PPFIBP2: variants seen among roughly 807,000 people sequenced by gnomAD.
The protein encoded by PPFIBP2 is PPFIB scaffold protein 2.
A neutral mutation model predicts 118.3 loss-of-function variants in PPFIBP2; 118 were observed. That is an observed-to-expected ratio of 1.00 (90% confidence interval 0.86 to 1.16). The LOEUF (loss-of-function observed/expected upper bound fraction) is 1.16, where lower values mean the gene tolerates loss of function less well. Ranked by LOEUF, PPFIBP2 falls within the 50% of genes most tolerant of loss-of-function variation. The pLI, the probability that PPFIBP2 is intolerant of heterozygous loss-of-function variation, is 0.00. For synonymous variants in PPFIBP2, 414 were observed against 397.4 expected, an observed-to-expected ratio of 1.04 and a Z score of -0.50; for missense variants, 1,195 against 1,073.1, an observed-to-expected ratio of 1.11 and a Z score of -1.59.
intron 14 of PPFIBP2, among the ~76,000 whole-genome samples, chr11:7,635,804 TTTA>T (rs1565099316): frequency 6.6e-6 from 1 of 152,218 alleles, no homozygotes; most frequent in African/African-American, 2.4e-5. Flanking sequence ...TGGGACAGGA[TTTA>T]TTATTATCAC....
chr11:7,541,368 C>T (rs1245053561), intron 1 of PPFIBP2, among the ~76,000 whole-genome samples: 1 of 152,146 alleles, frequency 6.6e-6, no homozygotes, highest in Admixed American at 6.5e-5. Flanking sequence ...TGAGGTAATA[C>T]AGGGACAGGT....
chr11:7,546,144 G>A (rs1407679560), intron 1 of PPFIBP2, among the ~76,000 whole-genome samples: 1 of 152,082 alleles, frequency 6.6e-6, no homozygotes, highest in Non-Finnish European at 1.5e-5. Flanking sequence ...TCTTCCATTT[G>A]GCTGCTTCTG....
intron 4 of PPFIBP2, chr11:7,597,197 G>A: frequency 6.7e-7 from 1 of 1,483,538 alleles, no homozygotes; most frequent in South Asian, 1.3e-5. Context: ...TTGCAGAAGT[G>A]CTGGCAAGCC....
chr11:7,617,368 C>T (rs1388203499), intron 6 of PPFIBP2: 5 of 930,066 alleles, frequency 5.4e-6, no homozygotes, highest in African/African-American at 1.8e-5. Context: ...TGGGGTTTCT[C>T]CTAACCAGAA....
intron 5 of PPFIBP2, chr11:7,605,722 T>G: frequency 7.4e-7 from 1 of 1,345,182 alleles, no homozygotes; most frequent in Non-Finnish European, 9.5e-7. Context: ...AGTTACTAAG[T>G]AACTAGTGGC....
At chr11:7,630,811 T>C (rs1456004720) in intron 10 of PPFIBP2, 114 bp from the exon 11 acceptor site, 1 of 780,554 alleles carries the variant, frequency 1.3e-6, no homozygotes, top group African/African-American at 1.7e-5. Context: ...TGTCCCTTTA[T>C]ATATTTCTTA....
At chr11:7,603,862 C>T (rs1846982311) in intron 5 of PPFIBP2, among the ~76,000 whole-genome samples, 1 of 152,184 alleles carries the variant, frequency 6.6e-6, no homozygotes, top group African/African-American at 2.4e-5. Context: ...CACCCTCCCC[C>T]AGACCACCTC....
intron 12 of PPFIBP2, 69 bp from the exon 13 acceptor site, chr11:7,634,426 T>C: frequency 8.0e-7 from 1 of 1,243,054 alleles, no homozygotes; most frequent in Non-Finnish European, 1.2e-6. Context: ...GCATTTGAAA[T>C]GTCCTCTGCA....
At chr11:7,665,900 GA>G in the PPFIBP2 span, 1 of 1,536,158 alleles carries the variant, frequency 6.5e-7, no homozygotes, top group South Asian at 1.2e-5. Flanking sequence ...GAACTGCGCA[GA>G]ATTGCTCAGT....
At chr11:7,519,493 G>A (rs1011413851) in intron 1 of PPFIBP2, among the ~76,000 whole-genome samples, 21 of 152,154 alleles carry the variant, frequency 1.4e-4, no homozygotes, top group East Asian at 1.9e-4. Flanking sequence ...CATTTGGACC[G>A]TTATCTAATT....
intron 1 of PPFIBP2, among the ~76,000 whole-genome samples, chr11:7,545,580 G>T (rs1370392238): frequency 6.6e-6 from 1 of 152,170 alleles, no homozygotes; most frequent in Non-Finnish European, 1.5e-5. Context: ...GAGGTCTGTA[G>T]ATACAGGAAA....
rs139084320 is a variant in PPFIBP2 at position 7,608,605 on chromosome 11, A to G, written c.487-1686A>G. The stretch of plus-strand genomic sequence containing the variant: ...TGGTGAGCCGAGATCGTGCCATTGC[A>G]CTCCAGCCTGGGCAAAAAGAGCGAA... On this transcript the variant is annotated intron_variant, in intron 5 of 23. Transcript: ENST00000299492. Among the ~76,000 whole-genome samples the G allele has an allele frequency of 6.1e-3, 926 of 152,290 alleles. 8 individuals are homozygous for G. Among genetic ancestry groups the G allele is most frequent in the Middle Eastern group, 0.034 (10 of 294 alleles).
At chr11:7,583,013 C>T (rs866709464) in intron 3 of PPFIBP2, among the ~76,000 whole-genome samples, 4 of 152,196 alleles carry the variant, frequency 2.6e-5, no homozygotes, top group Admixed American at 2.6e-4. Flanking sequence ...CTGTGCTTGT[C>T]TCTTCATGCT....
intron 3 of PPFIBP2, among the ~76,000 whole-genome samples, chr11:7,580,129 T>G (rs1360230740): frequency 6.6e-6 from 1 of 152,176 alleles, no homozygotes; most frequent in Non-Finnish European, 1.5e-5. Context: ...TCTACCCTGA[T>G]GAGCTCCCAA....
At chr11:7,556,166 T>C (rs1201587158) in intron 2 of PPFIBP2, among the ~76,000 whole-genome samples, 1 of 152,244 alleles carries the variant, frequency 6.6e-6, no homozygotes, top group East Asian at 1.9e-4. Flanking sequence ...TAAATTTCTT[T>C]ATAAGACGGC....
chr11:7,605,979 G>C, intron 5 of PPFIBP2: 1 of 1,535,590 alleles, frequency 6.5e-7, no homozygotes, highest in Non-Finnish European at 8.7e-7. Flanking sequence ...TAATAACAAG[G>C]ATGTGGAAGC....
intron 5 of PPFIBP2, among the ~76,000 whole-genome samples, chr11:7,599,578 A>G (rs1379393860): frequency 1.3e-5 from 2 of 151,776 alleles, no homozygotes; most frequent in Admixed American, 1.3e-4. Context: ...TCCTCTAAAC[A>G]TCATCCCATG....
rs2135875164 is a variant in PPFIBP2, at chr11:7,639,892, T to C, written c.1375+22T>C. 3.1e-6 allele frequency: 5 copies of C among 1,609,582 alleles called. No homozygotes were observed. In the South Asian group the frequency reaches 5.5e-5, roughly 18 times the overall value. ...CTGAGTGAGTGTCCAGCCCTGGTGC[T>C]GGTGGCCTCTGAGCAGTGTCCTTGG... On this transcript the variant is annotated intron_variant, in intron 15 of 23. Transcript: ENST00000299492.
At chr11:7,558,664 G>A (rs989071746) in intron 2 of PPFIBP2, among the ~76,000 whole-genome samples, 1 of 151,974 alleles carries the variant, frequency 6.6e-6, no homozygotes, top group Non-Finnish European at 1.5e-5. Flanking sequence ...GCTGAGGCAG[G>A]AGAATTGCTG....
Sources: allele counts gnomAD v4.1 joint callset (sites outside exome capture counted in the v4.1 genomes callset), GRCh38; gene constraint gnomAD v4.1.1; transcripts MANE v1.5; gene names NCBI Gene and HGNC (gene_info 2026-07-23, HGNC 2026-07-21).